Variants in AGBL4 observed in about 807,000 individuals in gnomAD.
AGBL4 encodes the protein AGBL carboxypeptidase 4, also known as cytosolic carboxypeptidase 6.
AGBL4 carries 58 observed loss-of-function variants against 66.4 expected under a neutral mutation model. That is an observed-to-expected ratio of 0.87 (90% CI 0.71 to 1.09). The LOEUF is 1.09. AGBL4 is among the 50% of genes least tolerant of loss of function. AGBL4 has a pLI of 0.00. For synonymous variants in AGBL4, 234 were observed against 222.9 expected (o/e 1.05, Z -0.44); for missense variants, 579 against 631.0 (o/e 0.92, Z 0.88).
At chr1:48,755,757 G>A (rs903736682) in intron 6 of AGBL4, among the ~76,000 whole-genome samples, 1 of 152,142 alleles carries the variant, frequency 6.6e-6, no homozygotes, top group Admixed American at 6.5e-5. Flanking sequence ...GGCACTCTGC[G>A]TTTTAATAAC....
intron 3 of AGBL4, among the ~76,000 whole-genome samples, chr1:49,592,504 G>T (rs1270490442): frequency 6.6e-6 from 1 of 152,148 alleles, no homozygotes; most frequent in East Asian, 1.9e-4. Flanking sequence ...CGGAAGTGGA[G>T]TTTGCAGTGA....
At chr1:49,132,454 A>G (rs1645919269) in intron 4 of AGBL4, among the ~76,000 whole-genome samples, 1 of 152,132 alleles carries the variant, frequency 6.6e-6, no homozygotes, top group South Asian at 2.1e-4. Flanking sequence ...TAAGTCATTA[A>G]ATCTCCTTTA....
At chr1:49,119,778 G>T (rs1037871893) in intron 4 of AGBL4, among the ~76,000 whole-genome samples, 1 of 152,102 alleles carries the variant, frequency 6.6e-6, no homozygotes, top group Non-Finnish European at 1.5e-5. Flanking sequence ...TTGTTGTGCA[G>T]TGTTAAAGTC....
intron 1 of AGBL4, among the ~76,000 whole-genome samples, chr1:49,988,223 T>G (rs1659664784): frequency 6.6e-6 from 1 of 152,168 alleles, no homozygotes; most frequent in Non-Finnish European, 1.5e-5. Context: ...AAAAATAATT[T>G]TAACTTCTCT....
intron 1 of AGBL4, among the ~76,000 whole-genome samples, chr1:49,998,813 A>G (rs1443406806): frequency 6.6e-6 from 1 of 152,244 alleles, no homozygotes; most frequent in Non-Finnish European, 1.5e-5. Context: ...CACTGCATAA[A>G]CAGAATTAAA....
At chr1:48,776,223 G>A (rs1645071925) in intron 6 of AGBL4, among the ~76,000 whole-genome samples, 1 of 152,196 alleles carries the variant, frequency 6.6e-6, no homozygotes, top group East Asian at 1.9e-4. Context: ...AGAACAGAGG[G>A]AAGGAACTGG....
intron 4 of AGBL4, among the ~76,000 whole-genome samples, chr1:49,188,252 C>T (rs1647050959): frequency 2.0e-5 from 3 of 152,092 alleles, no homozygotes. Flanking sequence ...CCTTCCTCTG[C>T]CAGAGAAAGG....
chr1:48,742,802 A>G, intron 6 of AGBL4: 1 of 1,487,896 alleles, frequency 6.7e-7, no homozygotes, highest in Non-Finnish European at 9.0e-7. Flanking sequence ...ATCTGTCTAG[A>G]ACTCCAAGGA....
intron 1 of AGBL4, among the ~76,000 whole-genome samples, chr1:49,903,053 T>C (rs1316260209): frequency 1.3e-5 from 2 of 152,142 alleles, no homozygotes; most frequent in African/African-American, 2.4e-5. Context: ...TGTATGTTCA[T>C]GGAAACACTA....
intron 5 of AGBL4, among the ~76,000 whole-genome samples, chr1:49,014,546 A>T (rs1344546782): frequency 6.6e-6 from 1 of 152,136 alleles, no homozygotes; most frequent in Non-Finnish European, 1.5e-5. Context: ...GTTATTTCTA[A>T]ACCTGCCCTC....
chr1:49,135,879 G>A (rs1303093249), intron 4 of AGBL4, among the ~76,000 whole-genome samples: 1 of 152,064 alleles, frequency 6.6e-6, no homozygotes, highest in Non-Finnish European at 1.5e-5. Context: ...ATTTTGGGAG[G>A]CCTGCTCCCA....
At chr1:49,955,039 G>A (rs539335116) in intron 1 of AGBL4, among the ~76,000 whole-genome samples, 6 of 151,870 alleles carry the variant, frequency 4.0e-5, no homozygotes, top group Non-Finnish European at 8.8e-5. Context: ...TTACTTTCCC[G>A]AAATATGTTT....
intron 6 of AGBL4, among the ~76,000 whole-genome samples, chr1:48,747,422 T>C (rs528083777): frequency 6.6e-6 from 1 of 152,322 alleles, no homozygotes; most frequent in African/African-American, 2.4e-5. Context: ...AACCCATTCA[T>C]CACACAACCC....
At chr1:49,647,865 A>C (rs986373126) in intron 3 of AGBL4, among the ~76,000 whole-genome samples, 1 of 151,948 alleles carries the variant, frequency 6.6e-6, no homozygotes, top group African/African-American at 2.4e-5. Flanking sequence ...AAAAAAAAAA[A>C]AAAAAACCTG....
chr1:49,743,684 A>T (rs1443910457), intron 2 of AGBL4, among the ~76,000 whole-genome samples: 1 of 152,190 alleles, frequency 6.6e-6, no homozygotes, highest in Non-Finnish European at 1.5e-5. Context: ...CTGGATTAAG[A>T]AAATGTGGCA....
chr1:49,692,254 G>C (rs984390081), intron 3 of AGBL4, among the ~76,000 whole-genome samples: 5 of 152,140 alleles, frequency 3.3e-5, no homozygotes, highest in Admixed American at 2.6e-4. Flanking sequence ...TATTTAAACT[G>C]ATCACAGGTA....
intron 4 of AGBL4, among the ~76,000 whole-genome samples, chr1:49,056,837 T>C (rs1644317482): frequency 6.6e-6 from 1 of 152,176 alleles, no homozygotes; most frequent in Admixed American, 6.5e-5. Flanking sequence ...ATGGATTGGA[T>C]AAGAAAATGT....
chr1:49,821,900 CT>C (rs1367462152), intron 2 of AGBL4, among the ~76,000 whole-genome samples: 3 of 151,994 alleles, frequency 2.0e-5, no homozygotes, highest in African/African-American at 4.8e-5. Flanking sequence ...GTTATCAATT[CT>C]TTTTTTAACT....
intron 3 of AGBL4, among the ~76,000 whole-genome samples, chr1:49,366,709 G>A (rs1004177096): frequency 2.0e-5 from 3 of 152,140 alleles, no homozygotes; most frequent in Admixed American, 6.5e-5. Flanking sequence ...ATGCTTAGGA[G>A]TCTTGAAACA....
Sources: allele counts gnomAD v4.1 joint callset (sites outside exome capture counted in the v4.1 genomes callset), GRCh38; gene constraint gnomAD v4.1.1; transcripts MANE v1.5; gene names NCBI Gene and HGNC (gene_info 2026-07-23, HGNC 2026-07-21).